The following ZDHHC15 variants were observed in gnomAD, a reference collection of about 807,000 sequenced individuals.
The protein encoded by ZDHHC15 is palmitoyltransferase ZDHHC15.
In ZDHHC15, 19 loss-of-function variants were observed where a neutral mutation model predicts 31.7. That is an observed-to-expected ratio of 0.60 (90% confidence interval 0.42 to 0.88). The LOEUF (loss-of-function observed/expected upper bound fraction) is 0.88. Ranked by LOEUF, ZDHHC15 falls within the 40% of genes least tolerant of loss-of-function variation. ZDHHC15 has a pLI of 0.00. For synonymous variants in ZDHHC15, 103 were observed against 90.0 expected, an observed-to-expected ratio of 1.14 and a Z score of -0.82; for missense variants, 209 against 251.2, an observed-to-expected ratio of 0.83 and a Z score of 1.14.
chrX:75,488,280 G>A (rs892673342), intron 2 of ZDHHC15, among the ~76,000 whole-genome samples: 59 of 111,805 alleles, frequency 5.3e-4, no homozygotes, highest in African/African-American at 1.9e-3. Flanking sequence ...GAAGCACCAG[G>A]TAAACTATAA....
At chrX:75,412,999 C>G (rs991667746) in intron 10 of ZDHHC15, among the ~76,000 whole-genome samples, 16 of 110,817 alleles carry the variant, frequency 1.4e-4, no homozygotes, top group African/African-American at 5.3e-4. Context: ...AGCATGGGGA[C>G]TATAGTTAAT....
At chrX:75,462,954 A>G (rs1424415086) in intron 3 of ZDHHC15, among the ~76,000 whole-genome samples, 1 of 110,899 alleles carries the variant, frequency 9.0e-6, no homozygotes, top group Admixed American at 9.7e-5. Context: ...GACATGAAAA[A>G]ACTCTTCAAA....
At chrX:75,415,683 G>T (rs761101201) in intron 10 of ZDHHC15, among the ~76,000 whole-genome samples, 14 of 111,764 alleles carry the variant, frequency 1.3e-4, no homozygotes, top group African/African-American at 2.0e-4. Flanking sequence ...AAGTTGTGAG[G>T]GTCAAAGGAT....
intron 3 of ZDHHC15, among the ~76,000 whole-genome samples, chrX:75,454,274 C>G (rs906307346): frequency 9.0e-6 from 1 of 111,686 alleles, no homozygotes; most frequent in African/African-American, 3.3e-5. Flanking sequence ...TGAGTGAACT[C>G]CCATTCACAA....
chrX:75,424,895 T>A (rs2083693337), intron 7 of ZDHHC15, 111 bp from the exon 8 acceptor site: 1 of 838,254 alleles, frequency 1.2e-6, no homozygotes, highest in Admixed American at 4.7e-5. Context: ...AGCTGTAATT[T>A]AAAAAATAGA....
intron 4 of ZDHHC15, among the ~76,000 whole-genome samples, chrX:75,441,770 C>A (rs2083944975): frequency 9.1e-6 from 1 of 109,678 alleles, no homozygotes; most frequent in South Asian, 4.0e-4. Flanking sequence ...ATTACAGGCA[C>A]CCGCCACTGC....
At chrX:75,492,251 C>G (rs2084909894) in intron 2 of ZDHHC15, among the ~76,000 whole-genome samples, 1 of 111,503 alleles carries the variant, frequency 9.0e-6, no homozygotes, top group Admixed American at 9.5e-5. Context: ...TATATATGAA[C>G]CCAATACAGG....
intron 2 of ZDHHC15, chrX:75,502,296 C>T (rs978131979): frequency 9.9e-5 from 11 of 111,358 alleles, no homozygotes; most frequent in Non-Finnish European, 1.9e-4. Context: ...TGGATTACAG[C>T]CCACCCTAGT....
chrX:75,442,980 C>T (rs1422040454), intron 4 of ZDHHC15, among the ~76,000 whole-genome samples: 4 of 78,673 alleles, frequency 5.1e-5, no homozygotes, highest in Admixed American at 1.6e-4. Flanking sequence ...AGCGAGACTC[C>T]GTCTCAAAAA....
At chrX:75,450,110 T>C (rs1308887830) in intron 4 of ZDHHC15, among the ~76,000 whole-genome samples, 2 of 111,762 alleles carry the variant, frequency 1.8e-5, no homozygotes, top group Non-Finnish European at 3.8e-5. Flanking sequence ...TACACAGCAA[T>C]AAAAAAATAC....
At chrX:75,386,159 T>C (rs1199919422) in intron 10 of ZDHHC15, among the ~76,000 whole-genome samples, 2 of 111,691 alleles carry the variant, frequency 1.8e-5, no homozygotes, top group Admixed American at 1.9e-4. Context: ...GAAAGTTTTA[T>C]CCAAATAACA....
chrX:75,517,976 C>CA (rs780881035), intron 1 of ZDHHC15, among the ~76,000 whole-genome samples: 1,090 of 105,673 alleles, frequency 0.01, 8 homozygotes, highest in Non-Finnish European at 0.017. Context: ...AAAACAAAAA[C>CA]AAAAAAAAAC....
chrX:75,427,819 A>T (rs1375633703), intron 7 of ZDHHC15, among the ~76,000 whole-genome samples: 2 of 111,542 alleles, frequency 1.8e-5, no homozygotes, highest in Admixed American at 1.9e-4. Flanking sequence ...TGATTATGGC[A>T]TCTATTATAT....
intron 10 of ZDHHC15, among the ~76,000 whole-genome samples, chrX:75,392,966 A>C (rs2083263135): frequency 9.2e-6 from 1 of 108,800 alleles, no homozygotes. Flanking sequence ...AGTGACCCAA[A>C]CCTTCATTCC....
At chrX:75,459,004 A>C (rs1461990787) in intron 3 of ZDHHC15, among the ~76,000 whole-genome samples, 9 of 96,424 alleles carry the variant, frequency 9.3e-5, no homozygotes, top group Non-Finnish European at 1.5e-4. Flanking sequence ...AAAAAAAAAA[A>C]AAAAAAACAA....
chrX:75,413,839 G>T (rs754061313), intron 10 of ZDHHC15, among the ~76,000 whole-genome samples: 11 of 109,045 alleles, frequency 1.0e-4, no homozygotes, highest in Non-Finnish European at 1.5e-4. Context: ...AGCTGAAGAA[G>T]TTCTTTATGG....
At chrX:75,440,573 C>T (rs2083926041) in intron 4 of ZDHHC15, among the ~76,000 whole-genome samples, 1 of 112,773 alleles carries the variant, frequency 8.9e-6, no homozygotes, top group Admixed American at 9.3e-5. Flanking sequence ...GCCACCGTGC[C>T]CAACCACGTT....
At chrX:75,514,196 A>C (rs2085320668) in intron 1 of ZDHHC15, among the ~76,000 whole-genome samples, 1 of 112,817 alleles carries the variant, frequency 8.9e-6, no homozygotes, top group Non-Finnish European at 1.9e-5. Flanking sequence ...CTGGTAAACT[A>C]TACAGGTAGC....
chrX:75,507,379 C>G (rs2085184810), intron 1 of ZDHHC15, among the ~76,000 whole-genome samples: 1 of 109,195 alleles, frequency 9.2e-6, no homozygotes, highest in African/African-American at 3.3e-5. Flanking sequence ...TTGCAAACTT[C>G]CCTTTTGGAA....
Sources: allele counts gnomAD v4.1 joint callset (sites outside exome capture counted in the v4.1 genomes callset), GRCh38; gene constraint gnomAD v4.1.1; transcripts MANE v1.5; gene names NCBI Gene and HGNC (gene_info 2026-07-23, HGNC 2026-07-21).